AGMO: variants seen among roughly 807,000 people sequenced by gnomAD.
AGMO encodes the protein glyceryl-ether monooxygenase.
Under a neutral mutation model 60.2 loss-of-function variants are expected in AGMO, and 75 were observed. That is an observed-to-expected ratio of 1.25 (90% CI 1.03 to 1.51). AGMO has a LOEUF of 1.51. Among genes scored for constraint, AGMO ranks in the 40% most tolerant of loss-of-function variants. The pLI is 0.00. For synonymous variants in AGMO, 261 were observed against 177.1 expected (o/e 1.47, Z -3.76); for missense variants, 763 against 525.5 (o/e 1.45, Z -4.42).
chr7:15,133,496 T>C, the AGMO span, among the ~76,000 whole-genome samples: 6 of 120,198 alleles, frequency 5.0e-5, no homozygotes, highest in South Asian at 1.9e-3. Flanking sequence ...GAGAATACCA[T>C]TAGCTGGAGG....
chr7:15,215,244 C>T (rs1443971383), intron 12 of AGMO, among the ~76,000 whole-genome samples: 1 of 152,030 alleles, frequency 6.6e-6, no homozygotes, highest in Non-Finnish European at 1.5e-5. Context: ...ACTGTTGTGG[C>T]CCTTGGCAAT....
At chr7:15,306,372 G>A (rs1212564904) in intron 12 of AGMO, 5 of 333,852 alleles carry the variant, frequency 1.5e-5, no homozygotes, top group Non-Finnish European at 6.0e-6. Flanking sequence ...AAGACCCCTT[G>A]GGGCTTACAA....
chr7:15,436,547 A>T (rs1425986585), intron 3 of AGMO, among the ~76,000 whole-genome samples: 3 of 152,140 alleles, frequency 2.0e-5, no homozygotes, highest in Admixed American at 6.5e-5. Flanking sequence ...AGTTTCTAAA[A>T]CATGAATTCT....
chr7:15,221,190 T>G (rs1781910247), intron 12 of AGMO, among the ~76,000 whole-genome samples: 2 of 152,142 alleles, frequency 1.3e-5, no homozygotes. Flanking sequence ...CTTCTGGATA[T>G]TGAGGACATG....
chr7:15,326,896 C>A (rs1235946370), intron 12 of AGMO, among the ~76,000 whole-genome samples: 1 of 152,118 alleles, frequency 6.6e-6, no homozygotes, highest in African/African-American at 2.4e-5. Context: ...AAAAGATTAC[C>A]AAACTAGAGA....
intron 12 of AGMO, among the ~76,000 whole-genome samples, chr7:15,238,765 C>A (rs1327195487): frequency 6.6e-6 from 1 of 151,824 alleles, no homozygotes; most frequent in Non-Finnish European, 1.5e-5. Context: ...ATTTTACATT[C>A]TATTACAATA....
chr7:15,171,452 T>C, the AGMO span, among the ~76,000 whole-genome samples: 4 of 152,212 alleles, frequency 2.6e-5, no homozygotes, highest in Admixed American at 2.6e-4. Context: ...CTTTCCATAC[T>C]ATACTTTTTG....
chr7:15,407,247 A>ATATATATATATATATG (rs1258762839), intron 5 of AGMO, among the ~76,000 whole-genome samples: 3 of 147,092 alleles, frequency 2.0e-5, no homozygotes, highest in Admixed American at 1.4e-4. Context: ...ATATATATAT[A>ATATATATATATATATG]TATGTATATA....
chr7:15,118,524 A>T, the AGMO span, among the ~76,000 whole-genome samples: 1 of 152,104 alleles, frequency 6.6e-6, no homozygotes, highest in Non-Finnish European at 1.5e-5. Context: ...TCTAACAAAA[A>T]ACAGCTTTCC....
intron 10 of AGMO, among the ~76,000 whole-genome samples, chr7:15,378,745 A>G (rs1783558368): frequency 6.6e-6 from 1 of 151,374 alleles, no homozygotes; most frequent in South Asian, 2.1e-4. Context: ...GCAAAATTCT[A>G]TAGTGCCTTT....
intron 3 of AGMO, among the ~76,000 whole-genome samples, chr7:15,493,374 T>A (rs1177713749): frequency 8.7e-6 from 1 of 115,044 alleles, no homozygotes; most frequent in Non-Finnish European, 1.8e-5. Context: ...TCTTTTTTTT[T>A]TTTTTTTTTT....
intron 3 of AGMO, among the ~76,000 whole-genome samples, chr7:15,506,221 C>G (rs1783509062): frequency 6.6e-6 from 1 of 152,020 alleles, no homozygotes; most frequent in Non-Finnish European, 1.5e-5. Flanking sequence ...AGCATTTACT[C>G]TGTGCCAGAA....
At chr7:15,323,838 C>G (rs1054962152) in intron 12 of AGMO, among the ~76,000 whole-genome samples, 3 of 152,122 alleles carry the variant, frequency 2.0e-5, no homozygotes, top group Non-Finnish European at 4.4e-5. Context: ...AAAACAGACA[C>G]GAGATGTTGC....
At chr7:15,141,970 A>G in the AGMO span, among the ~76,000 whole-genome samples, 51 of 152,304 alleles carry the variant, frequency 3.3e-4, no homozygotes, top group African/African-American at 1.2e-3. Flanking sequence ...CTCCCAAAAG[A>G]TGGGACACTG....
At chr7:15,237,967 T>G (rs1374602165) in intron 12 of AGMO, among the ~76,000 whole-genome samples, 1 of 152,074 alleles carries the variant, frequency 6.6e-6, no homozygotes, top group Non-Finnish European at 1.5e-5. Context: ...CCAGTTTCTG[T>G]GGGAAGGTAG....
intron 2 of AGMO, among the ~76,000 whole-genome samples, chr7:15,547,782 A>G (rs1303632310): frequency 1.3e-5 from 2 of 151,924 alleles, no homozygotes; most frequent in Admixed American, 6.5e-5. Flanking sequence ...TAAACAAAGC[A>G]GCCGGGAAGC....
At chr7:15,309,402 G>C (rs1211042976) in intron 12 of AGMO, among the ~76,000 whole-genome samples, 1 of 152,016 alleles carries the variant, frequency 6.6e-6, no homozygotes, top group Non-Finnish European at 1.5e-5. Context: ...ATCTTCAAAT[G>C]TATCAAAAGA....
chr7:15,354,032 G>C (rs919707735), intron 12 of AGMO, among the ~76,000 whole-genome samples: 1 of 152,050 alleles, frequency 6.6e-6, no homozygotes, highest in African/African-American at 2.4e-5. Flanking sequence ...TTATAAAGCA[G>C]AGAAGCAATA....
chr7:15,373,592 G>C (rs1583472471), intron 10 of AGMO, among the ~76,000 whole-genome samples: 1 of 152,054 alleles, frequency 6.6e-6, no homozygotes, highest in African/African-American at 2.4e-5. Context: ...GAAAACCTTA[G>C]GGGTCAATAC....
Sources: allele counts gnomAD v4.1 joint callset (sites outside exome capture counted in the v4.1 genomes callset), GRCh38; gene constraint gnomAD v4.1.1; transcripts MANE v1.5; gene names NCBI Gene and HGNC (gene_info 2026-07-23, HGNC 2026-07-21).